The following NRG1 variants were observed in gnomAD, a reference collection of about 807,000 sequenced individuals.
NRG1 encodes pro-neuregulin-1, membrane-bound isoform.
NRG1 carries 18 observed loss-of-function variants against 63.8 expected under a neutral mutation model. That is an observed-to-expected ratio of 0.28 (90% CI 0.19 to 0.42). NRG1 has a LOEUF of 0.42. Ranked by LOEUF, NRG1 falls within the 10% of genes least tolerant of loss-of-function variation. The probability of loss-of-function intolerance (pLI) is 1.00; values close to 1 mark genes in which losing one functional copy is unlikely to be tolerated. For missense variants in NRG1, 762 were observed against 814.7 expected (o/e 0.94, Z 0.79); for synonymous variants, 302 against 301.3 (o/e 1.00, Z -0.02).
At chr8:32,323,775 A>T (rs1417386599) in intron 1 of NRG1, among the ~76,000 whole-genome samples, 3 of 152,184 alleles carry the variant, frequency 2.0e-5, no homozygotes. Flanking sequence ...GATCCTGAGG[A>T]GTCAAAGGGT....
chr8:32,497,039 G>A (rs1273514709), intron 1 of NRG1, among the ~76,000 whole-genome samples: 1 of 152,122 alleles, frequency 6.6e-6, no homozygotes, highest in Non-Finnish European at 1.5e-5. Flanking sequence ...TATAATACCT[G>A]TCTTCTAATT....
chr8:32,372,929 G>A (rs1195576415), intron 1 of NRG1, among the ~76,000 whole-genome samples: 2 of 152,338 alleles, frequency 1.3e-5, no homozygotes, highest in East Asian at 3.9e-4. Context: ...GTGACAGCAT[G>A]TGTCGATGCT....
chr8:31,885,159 T>G lies in NRG1; in HGVS notation c.37+245728T>G, dbSNP rs79098078. On this transcript the variant is annotated intron_variant, in intron 1 of 10. Transcript: ENST00000519301. ...ATGATTTCGATAAGGCCTAAGCAAT[T>G]ATCAAATCAGAAATGGATCTCTCAT... Among the ~76,000 whole-genome samples the G allele has an allele frequency of 3.9e-5, 6 of 152,250 alleles. No homozygotes were observed. In the East Asian group the frequency reaches 1.2e-3, roughly 29 times the overall value.
At position 31,688,345 on chromosome 8, in the gene NRG1, C is replaced by T. The variant is rs28712868; in HGVS notation, c.37+48914C>T. 7.2e-3 allele frequency among the ~76,000 whole-genome samples: 1,089 copies of T among 152,194 alleles called. 13 individuals are homozygous for T. Among genetic ancestry groups the T allele is most frequent in the African/African-American group, 0.025 (1,018 of 41,518 alleles). On this transcript the variant is annotated intron_variant, in intron 1 of 10. Coordinates refer to the NRG1 transcript ENST00000519301. ...AAAGGGCCAACGGAGCTTGTTTGTC[C>T]CTTCCAGGACATGCGAAACGCAGTG...
At chr8:31,901,510 T>C (rs1328453085) in intron 1 of NRG1, among the ~76,000 whole-genome samples, 1 of 152,212 alleles carries the variant, frequency 6.6e-6, no homozygotes, top group African/African-American at 2.4e-5. Flanking sequence ...TATTGAGGGC[T>C]AACCAGACTC....
In NRG1 at chr8:31,971,194, T is replaced by C. The variant is rs564220092; in HGVS notation, c.37+331763T>C. ...TTCTGGATACAATTCCTTTATCATA[T>C]ATGTGATCTGTATGCATTTTTTCCA... is the stretch of plus-strand genomic sequence containing the variant. On this transcript the variant is annotated intron_variant, in intron 1 of 10. Transcript: ENST00000519301. 2.1e-3 allele frequency among the ~76,000 whole-genome samples: 326 copies of C among 152,320 alleles called. 1 individual carries two copies. Among genetic ancestry groups the C allele is most frequent in the African/African-American group, 7.5e-3 (310 of 41,570 alleles).
chr8:32,521,782 A>G (rs530588678), intron 1 of NRG1, among the ~76,000 whole-genome samples: 1 of 152,310 alleles, frequency 6.6e-6, no homozygotes, highest in South Asian at 2.1e-4. Context: ...TGAAGAAGAT[A>G]CAGCTTGAAA....
chr8:32,089,832 G>C (rs1179156806), intron 1 of NRG1, among the ~76,000 whole-genome samples: 4 of 152,182 alleles, frequency 2.6e-5, no homozygotes, highest in Non-Finnish European at 5.9e-5. Context: ...ATCTATGACA[G>C]GAAGCTTCAC....
Position 32,054,863 on chromosome 8 carries a change from C to CTTTTTTTTT in NRG1, c.37+415467_37+415475dup, listed in dbSNP as rs543522972. Among the ~76,000 whole-genome samples the CTTTTTTTTT allele has an allele frequency of 4.7e-5, 3 of 64,024 alleles. 1 individual carries two copies. The highest frequency in any genetic ancestry group is 2.2e-4 in the Admixed American group (1 of 4,448). 42.0% of individuals were successfully genotyped at this position (64,024 alleles called of 152,430 possible). Reference sequence around the variant, plus strand: ...CCTTGAAAAGCAGATTTCTTTCTTTCTTTTTTTTTTTTTTTTTTTTTTTTT... The same window carrying CTTTTTTTTT: ...CCTTGAAAAGCAGATTTCTTTCTTTCTTTTTTTTTTTTTTTTTTTTTTTTTTTTTTTTTT... On this transcript the variant is annotated intron_variant, in intron 1 of 10. Transcript: ENST00000519301.
At chr8:32,749,106 A>G (rs1026623672) in intron 7 of NRG1, 2 of 160,628 alleles carry the variant, frequency 1.2e-5, no homozygotes, top group African/African-American at 2.4e-5. Flanking sequence ...TGCCTCTGCC[A>G]ATGGGTGTCT....
At chr8:32,257,704 A>G (rs1849888705) in intron 1 of NRG1, among the ~76,000 whole-genome samples, 1 of 152,154 alleles carries the variant, frequency 6.6e-6, no homozygotes, top group Admixed American at 6.5e-5. Context: ...TGAAGTGATA[A>G]TTCACATCTG....
At chr8:32,363,938 C>T (rs1807584035) in intron 1 of NRG1, among the ~76,000 whole-genome samples, 1 of 151,926 alleles carries the variant, frequency 6.6e-6, no homozygotes, top group African/African-American at 2.4e-5. Flanking sequence ...TAACTATATA[C>T]TTGTGTTAAT....
chr8:32,510,956 T>C (rs1294091326), intron 1 of NRG1, among the ~76,000 whole-genome samples: 2 of 54,550 alleles, frequency 3.7e-5, no homozygotes, highest in African/African-American at 4.9e-5. Context: ...CTTTCTTTCC[T>C]TTTTTTTTTT....
intron 1 of NRG1, among the ~76,000 whole-genome samples, chr8:31,952,064 G>T (rs2129623458): frequency 6.6e-6 from 1 of 152,242 alleles, no homozygotes; most frequent in Admixed American, 6.5e-5. Context: ...AGTTGATATT[G>T]CGGTCTGCTG....
chr8:31,718,902 A>T (rs570402039), intron 1 of NRG1, among the ~76,000 whole-genome samples: 47 of 152,298 alleles, frequency 3.1e-4, no homozygotes, highest in Middle Eastern at 6.8e-3. Context: ...GACAACACTA[A>T]TTGTTATGGT....
chr8:32,000,769 T>C (rs1812793275), intron 1 of NRG1, among the ~76,000 whole-genome samples: 1 of 152,016 alleles, frequency 6.6e-6, no homozygotes, highest in Non-Finnish European at 1.5e-5. Context: ...ATTAGGTTGG[T>C]GCAACAGTGA....
chr8:32,076,650 C>T (rs1173252931), intron 1 of NRG1, among the ~76,000 whole-genome samples: 1 of 151,264 alleles, frequency 6.6e-6, no homozygotes, highest in African/African-American at 2.4e-5. Flanking sequence ...ATAAGATAGT[C>T]TTTACAACAA....
At chr8:32,273,013 G>T (rs1396546153) in intron 1 of NRG1, among the ~76,000 whole-genome samples, 1 of 152,142 alleles carries the variant, frequency 6.6e-6, no homozygotes, top group Non-Finnish European at 1.5e-5. Flanking sequence ...TCTGATAAGA[G>T]TCCAGAATTA....
At chr8:32,671,586 A>G (rs904522441) in intron 5 of NRG1, among the ~76,000 whole-genome samples, 2 of 152,348 alleles carry the variant, frequency 1.3e-5, no homozygotes, top group East Asian at 1.9e-4. Context: ...AGCAGCATGT[A>G]TGCACGCACA....
Sources: gnomAD v4.1 joint callset for allele counts (sites outside exome capture counted in the v4.1 genomes callset) on GRCh38, gnomAD v4.1.1 for gene constraint, MANE v1.5 for transcripts, NCBI Gene and HGNC (gene_info 2026-07-23, HGNC 2026-07-21) for gene names.